DOK7: variants seen among roughly 807,000 people sequenced by gnomAD.
The protein encoded by DOK7 is protein Dok-7.
Under a neutral mutation model 30.7 loss-of-function variants are expected in DOK7, and 32 were observed. That is an observed-to-expected ratio of 1.04 (90% confidence interval 0.79 to 1.40). DOK7 has a LOEUF of 1.40. Ranked by LOEUF, DOK7 falls within the 40% of genes most tolerant of loss-of-function variation. The probability of loss-of-function intolerance (pLI) is 0.00; values close to 1 mark genes in which losing one functional copy is unlikely to be tolerated. For synonymous variants in DOK7, 447 were observed against 324.1 expected, an observed-to-expected ratio of 1.38 and a Z score of -4.07; for missense variants, 1,007 against 699.2, an observed-to-expected ratio of 1.44 and a Z score of -4.97.
chr4:3,485,975 C>T (rs1046442095), intron 5 of DOK7, among the ~76,000 whole-genome samples: 1 of 152,024 alleles, frequency 6.6e-6, no homozygotes, highest in Non-Finnish European at 1.5e-5. Flanking sequence ...GTAAGAGACC[C>T]TCTGACCCAC....
rs764136053 is a variant in DOK7, at chr4:3,494,386, C to T, written c.*885C>T. On this transcript the variant is annotated 3_prime_UTR_variant, in exon 7 of 7. Coordinates refer to ENST00000340083, the MANE Select transcript of DOK7 (RefSeq NM_173660.5). ...GGAGCCTGCCCTGACCACAGCCCAG[C>T]AGCTCCCTGTGAACACCTCTTTGTC... 4.1e-6 allele frequency: 4 copies of T among 985,920 alleles called. No individual in the cohort carries two copies. The highest frequency in any genetic ancestry group is 4.8e-6 in the Non-Finnish European group (4 of 830,276). The allele number at this position is 985,920 out of a possible 1,614,324, so 61.1% of individuals were successfully genotyped here. A position where few individuals can be genotyped will look rare whatever the true frequency, so the allele number is the denominator to read the frequency against.
intron 4 of DOK7, among the ~76,000 whole-genome samples, chr4:3,482,740 G>A (rs916349578): frequency 1.3e-5 from 2 of 152,264 alleles, no homozygotes; most frequent in Non-Finnish European, 1.5e-5. Flanking sequence ...CCCTGTCTTG[G>A]GGAAGGGGCA....
At chr4:3,477,838 G>A in intron 4 of DOK7, among the ~76,000 whole-genome samples, 1 of 151,858 alleles carries the variant, frequency 6.6e-6, no homozygotes, top group Non-Finnish European at 1.5e-5. Flanking sequence ...CGGGGGGTGG[G>A]GTGGGGGGTG....
rs1728221826 is a variant in DOK7, at chr4:3,490,403, T to TTACCCTCCTGCTCATTCATTCC, written c.772+608_772+609insACCCTCCTGCTCATTCATTCCT. 3.1e-4 allele frequency among the ~76,000 whole-genome samples: 3 copies of TTACCCTCCTGCTCATTCATTCC among 9,722 alleles called. No homozygotes were observed. In the East Asian group the frequency reaches 0.012, roughly 38 times the overall value. 6.4% of individuals were successfully genotyped at this position (9,722 alleles called of 152,430 possible). A position where few individuals can be genotyped will look rare whatever the true frequency, so the allele number is the denominator to read the frequency against. On this transcript the variant is annotated intron_variant, in intron 6 of 6. Transcript: ENST00000340083. ...CCACCCCCTGCTCATTCAGTCCTTC[T>TTACCCTCCTGCTCATTCATTCC]TTCACCCCCCCCACCGCCCCGCTCA...
rs570949646 is a variant in DOK7 at position 3,472,772 on chromosome 4, G to A, written c.101-634G>A. ...CCCTGGAGGGTCCGGGAGGCAGAAC[G>A]CAGGCAGGTCCCCAGCAGCCGAGGA... On this transcript the variant is annotated intron_variant, in intron 2 of 6. Transcript: ENST00000340083. Among the ~76,000 whole-genome samples the A allele has an allele frequency of 6.8e-4, 104 of 152,336 alleles. No individual in the cohort carries two copies. The South Asian group carries it at 0.012, about 18-fold the overall frequency.
chr4:3,485,412 G>T (rs1055152146), intron 4 of DOK7, 127 bp from the exon 5 acceptor site: 2 of 1,287,506 alleles, frequency 1.6e-6, no homozygotes, highest in East Asian at 2.8e-5. Flanking sequence ...ATCTGACTTC[G>T]TGGGGCCAGG....
chr4:3,491,781 G>A, intron 6 of DOK7, among the ~76,000 whole-genome samples: 1 of 152,376 alleles, frequency 6.6e-6, no homozygotes, highest in South Asian at 2.1e-4. Context: ...TCAGCTGCCG[G>A]TGGCTCTGGC....
At chr4:3,480,161 C>T (rs1311876211) in intron 4 of DOK7, among the ~76,000 whole-genome samples, 1 of 152,162 alleles carries the variant, frequency 6.6e-6, no homozygotes, top group Non-Finnish European at 1.5e-5. Flanking sequence ...TGAGCTGGGC[C>T]TTGAGGGTGA....
chr4:3,500,099 G>T (rs1487009896), intron 6 of DOK7, among the ~76,000 whole-genome samples: 1 of 151,984 alleles, frequency 6.6e-6, no homozygotes, highest in African/African-American at 2.4e-5. Context: ...AAAGATGGAC[G>T]GTCAGGAACA....
At chr4:3,474,694 C>G (rs1726962414) in intron 3 of DOK7, among the ~76,000 whole-genome samples, 1 of 152,032 alleles carries the variant, frequency 6.6e-6, no homozygotes, top group Admixed American at 6.5e-5. Flanking sequence ...TGGTGGTGGG[C>G]ACATGTAATC....
At chr4:3,495,327 T>A (rs985426466), downstream of DOK7, among the ~76,000 whole-genome samples, 6 of 129,246 alleles carry the variant, frequency 4.6e-5, no homozygotes, top group Non-Finnish European at 7.4e-5. Context: ...CCCGCTAGTC[T>A]TCATCATCCA....
At chr4:3,468,310 G>C (rs1265180075) in intron 2 of DOK7, among the ~76,000 whole-genome samples, 1 of 145,146 alleles carries the variant, frequency 6.9e-6, no homozygotes, top group Non-Finnish European at 1.5e-5. Flanking sequence ...GCACATGCGT[G>C]TGAATACCTG....
At position 3,493,395 on chromosome 4, in the gene DOK7, CCCCTGGCGAG is replaced by C. The variant is rs1728672058; in HGVS notation, c.1416_1425del (p.Glu473LysfsTer25). The C allele has an allele frequency of 1.9e-6, 3 of 1,594,360 alleles. No individual in the cohort carries two copies. The highest frequency in any genetic ancestry group is 1.7e-6 in the Non-Finnish European group (2 of 1,170,590). On this transcript the variant is annotated frameshift_variant, in exon 7 of 7. Transcript: ENST00000340083. LOFTEE classifies it high-confidence loss of function. ...AGCGAGGCCACACTGCCTGGCCCTG[CCCCTGGCGAG>C]CCCTGGGAAGCAGGCGGCCCCCACG... is the stretch of plus-strand genomic sequence containing the variant.
Position 3,463,567 on chromosome 4 carries a change from G to C in DOK7, c.100+16G>C. On this transcript the variant is annotated intron_variant, in intron 2 of 6. Transcript: ENST00000340083. ...CCCGTGGCAGGTGAGCGGGGCGGGC[G>C]GGGGACGGGGGGCGCGGGGGTAGCG... 2.0e-6 allele frequency: 3 copies of C among 1,514,484 alleles called. No homozygotes were observed. Among genetic ancestry groups the C allele is most frequent in the Non-Finnish European group, 2.6e-6 (3 of 1,132,878 alleles). 93.8% of individuals were successfully genotyped at this position (1,514,484 alleles called of 1,614,324 possible). A position where few individuals can be genotyped will look rare whatever the true frequency, so the allele number is the denominator to read the frequency against.
chr4:3,485,250 G>A, intron 4 of DOK7: 1 of 354,404 alleles, frequency 2.8e-6, no homozygotes. Flanking sequence ...AGGATGGGCG[G>A]GGCAGCACTC....
intron 2 of DOK7, among the ~76,000 whole-genome samples, chr4:3,466,090 G>T (rs1027816425): frequency 2.0e-5 from 3 of 152,042 alleles, no homozygotes; most frequent in Non-Finnish European, 2.9e-5. Context: ...CCTGGAGCTG[G>T]CAGGGTCTTG....
At chr4:3,487,331 G>A (rs1348021837) in intron 5 of DOK7, among the ~76,000 whole-genome samples, 7 of 152,342 alleles carry the variant, frequency 4.6e-5, no homozygotes, top group South Asian at 2.1e-4. Context: ...TGATGGGTTC[G>A]TCTGCCTGTG....
intron 2 of DOK7, among the ~76,000 whole-genome samples, chr4:3,464,620 G>A (rs1726170804): frequency 6.6e-6 from 1 of 152,202 alleles, no homozygotes; most frequent in South Asian, 2.1e-4. Flanking sequence ...GCTGTGGCTG[G>A]GTCGGGGCCG....
downstream of DOK7, chr4:3,497,004 G>A (rs1476591698): frequency 1.1e-6 from 1 of 921,470 alleles, no homozygotes; most frequent in East Asian, 2.7e-5. Flanking sequence ...TGGGCAATGT[G>A]GTGAAAGTGG....
Sources: allele counts gnomAD v4.1 joint callset (sites outside exome capture counted in the v4.1 genomes callset), GRCh38; gene constraint gnomAD v4.1.1; transcripts MANE v1.5; gene names NCBI Gene and HGNC (gene_info 2026-07-23, HGNC 2026-07-21).